The following RANBP2 variants were observed in gnomAD, a reference collection of about 807,000 sequenced individuals.
The protein encoded by RANBP2 is E3 SUMO-protein ligase RanBP2.
RANBP2 carries 57 observed loss-of-function variants against 303.6 expected under a neutral mutation model. That is an observed-to-expected ratio of 0.19 (90% CI 0.15 to 0.23). The LOEUF is 0.23. Among genes scored for constraint, RANBP2 ranks in the 10% least tolerant of loss-of-function variants. RANBP2 has a pLI of 1.00. For synonymous variants in RANBP2, 1,167 were observed against 1,301.5 expected (o/e 0.90, Z 2.23); for missense variants, 3,138 against 3,780.8 (o/e 0.83, Z 4.46).
chr2:109,070,067 G>T, the RANBP2 span, among the ~76,000 whole-genome samples: 1 of 152,216 alleles, frequency 6.6e-6, no homozygotes, highest in Non-Finnish European at 1.5e-5. Flanking sequence ...CAGGAAGGGA[G>T]CCAGCCTGCG....
the RANBP2 span, among the ~76,000 whole-genome samples, chr2:109,726,243 T>C: frequency 2.0e-5 from 3 of 151,754 alleles, no homozygotes; most frequent in African/African-American, 7.3e-5. Context: ...ACCCTGTCTC[T>C]ACTAAAAATA....
At chr2:109,027,771 G>C in the RANBP2 span, among the ~76,000 whole-genome samples, 1 of 152,164 alleles carries the variant, frequency 6.6e-6, no homozygotes, top group Admixed American at 6.5e-5. Context: ...GTGGGTGGGC[G>C]GCAGCTCTGC....
the RANBP2 span, chr2:109,614,353 C>A: frequency 1.3e-6 from 1 of 744,258 alleles, no homozygotes; most frequent in East Asian, 4.0e-5. Flanking sequence ...GTGGCCGAGT[C>A]CTCTGGCCTC....
the RANBP2 span, among the ~76,000 whole-genome samples, chr2:109,346,430 C>A: frequency 6.6e-6 from 1 of 152,174 alleles, no homozygotes; most frequent in Non-Finnish European, 1.5e-5. Context: ...CTGAAGAACT[C>A]CTTGGCATAG....
chr2:109,495,812 C>G, the RANBP2 span, among the ~76,000 whole-genome samples: 2 of 152,118 alleles, frequency 1.3e-5, no homozygotes, highest in Admixed American at 6.5e-5. Context: ...TTTTTATAGT[C>G]CTAGTTTCCA....
At chr2:108,937,741 G>A in the RANBP2 span, among the ~76,000 whole-genome samples, 1 of 151,956 alleles carries the variant, frequency 6.6e-6, no homozygotes, top group Non-Finnish European at 1.5e-5. Flanking sequence ...CTGTGTATGA[G>A]TGTATGCATA....
At chr2:109,078,091 TATATATATA>T in the RANBP2 span, among the ~76,000 whole-genome samples, 1 of 8,478 alleles carries the variant, frequency 1.2e-4, no homozygotes, top group African/African-American at 2.0e-4. Flanking sequence ...TATATATATA[TATATATATA>T]TATATATATA....
downstream of RANBP2, among the ~76,000 whole-genome samples, chr2:108,789,313 C>T (rs1260393536): frequency 6.6e-6 from 1 of 152,148 alleles, no homozygotes; most frequent in Non-Finnish European, 1.5e-5. Context: ...GAACTATGGG[C>T]CAGGTGCGGT....
the RANBP2 span, among the ~76,000 whole-genome samples, chr2:109,153,201 T>G: frequency 6.6e-6 from 1 of 152,216 alleles, no homozygotes; most frequent in East Asian, 1.9e-4. Flanking sequence ...TGCTAAACCC[T>G]GCTATGGGTG....
At chr2:109,014,462 T>C in the RANBP2 span, among the ~76,000 whole-genome samples, 1 of 152,222 alleles carries the variant, frequency 6.6e-6, no homozygotes, top group Non-Finnish European at 1.5e-5. Context: ...GGAAGACATT[T>C]GTTGTCTGGG....
At chr2:109,280,626 A>G in the RANBP2 span, among the ~76,000 whole-genome samples, 3 of 152,238 alleles carry the variant, frequency 2.0e-5, no homozygotes, top group Non-Finnish European at 4.4e-5. Flanking sequence ...ATCTACACTA[A>G]TAGATCTGCT....
At chr2:108,861,196 G>A in the RANBP2 span, among the ~76,000 whole-genome samples, 33 of 151,122 alleles carry the variant, frequency 2.2e-4, no homozygotes, top group Non-Finnish European at 4.3e-4. Context: ...ATTTCTGATT[G>A]TGTTTATTGG....
At chr2:108,833,360 A>G in the RANBP2 span, among the ~76,000 whole-genome samples, 1 of 152,228 alleles carries the variant, frequency 6.6e-6, no homozygotes, top group African/African-American at 2.4e-5. Context: ...GCATGTAAAC[A>G]TTCTCAACTT....
chr2:108,769,765 A>G (rs1677369817), intron 20 of RANBP2, among the ~76,000 whole-genome samples: 1 of 151,884 alleles, frequency 6.6e-6, no homozygotes, highest in African/African-American at 2.4e-5. Flanking sequence ...AACAGCCAGC[A>G]TTCTACAGCT....
the RANBP2 span, among the ~76,000 whole-genome samples, chr2:109,196,259 C>T: frequency 6.6e-6 from 1 of 152,228 alleles, no homozygotes; most frequent in African/African-American, 2.4e-5. Context: ...CCTGCATCCG[C>T]TGCTCTCCTG....
chr2:108,758,550 T>C lies in RANBP2; in HGVS notation c.2602+2T>C. The C allele has an allele frequency of 6.2e-7, 1 of 1,610,996 alleles. No individual in the cohort carries two copies. Among genetic ancestry groups the C allele is most frequent in the Non-Finnish European group, 8.5e-7 (1 of 1,179,630 alleles). On this transcript the variant is annotated splice_donor_variant, in intron 18 of 28. Coordinates refer to ENST00000283195, the MANE Select transcript of RANBP2 (RefSeq NM_006267.5). LOFTEE classifies it high-confidence loss of function. ...CATTTCATGGGGCTCCACTAACAGGTGAGCTGGCAAGTGGATAATCGCATA... is the reference window on the plus strand; with the variant it reads ...CATTTCATGGGGCTCCACTAACAGGCGAGCTGGCAAGTGGATAATCGCATA...
At chr2:109,341,988 G>C in the RANBP2 span, among the ~76,000 whole-genome samples, 5 of 152,172 alleles carry the variant, frequency 3.3e-5, no homozygotes, top group Non-Finnish European at 7.3e-5. Flanking sequence ...CTCAGACCCC[G>C]CAGTGCTTGG....
At chr2:109,160,450 G>A in the RANBP2 span, among the ~76,000 whole-genome samples, 1 of 152,256 alleles carries the variant, frequency 6.6e-6, no homozygotes, top group Non-Finnish European at 1.5e-5. Flanking sequence ...TCCAGCAACA[G>A]GGTGGACACT....
the RANBP2 span, among the ~76,000 whole-genome samples, chr2:109,520,993 G>A: frequency 6.6e-6 from 1 of 151,680 alleles, no homozygotes. Context: ...ACTTTGATAG[G>A]CCGAGGCGGG....
Sources: allele counts gnomAD v4.1 joint callset (sites outside exome capture counted in the v4.1 genomes callset), GRCh38; gene constraint gnomAD v4.1.1; transcripts MANE v1.5; gene names NCBI Gene and HGNC (gene_info 2026-07-23, HGNC 2026-07-21).